The following BPIFC variants were observed in gnomAD, a reference collection of about 807,000 sequenced individuals.
BPIFC encodes BPI fold-containing family C protein.
A neutral mutation model predicts 57.6 loss-of-function variants in BPIFC; 60 were observed. That is an observed-to-expected ratio of 1.04 (90% CI 0.85 to 1.29). BPIFC has a LOEUF of 1.29. BPIFC is among the 50% of genes most tolerant of loss of function. The pLI is 0.00. For synonymous variants in BPIFC, 243 were observed against 224.5 expected (o/e 1.08, Z -0.74); for missense variants, 581 against 600.5 (o/e 0.97, Z 0.34).
At chr22:32,446,187 A>G (rs1422886174) in intron 5 of BPIFC, among the ~76,000 whole-genome samples, 191 bp from the exon 6 acceptor site, 2 of 152,220 alleles carry the variant, frequency 1.3e-5, no homozygotes, top group Non-Finnish European at 2.9e-5. Flanking sequence ...CAGACGAAGT[A>G]CTGAATATGT....
At chr22:32,424,579 T>C (rs75647938) in intron 13 of BPIFC, among the ~76,000 whole-genome samples, 1 of 76,756 alleles carries the variant, frequency 1.3e-5, no homozygotes, top group African/African-American at 9.3e-5. Flanking sequence ...TTTTCTTTCT[T>C]CTTCTTCTTC....
At chr22:32,455,899 A>G (rs1935024818) in intron 3 of BPIFC, among the ~76,000 whole-genome samples, 1 of 152,246 alleles carries the variant, frequency 6.6e-6, no homozygotes, top group African/African-American at 2.4e-5. Context: ...CTTCTCCACT[A>G]GCCCATGCTA....
intron 4 of BPIFC, among the ~76,000 whole-genome samples, chr22:32,448,757 G>A (rs1343340596): frequency 6.6e-6 from 1 of 152,046 alleles, no homozygotes; most frequent in Non-Finnish European, 1.5e-5. Context: ...GGCCAACATA[G>A]TGAAACCCCG....
At chr22:32,429,905 G>T (rs987891659) in intron 13 of BPIFC, among the ~76,000 whole-genome samples, 1 of 152,130 alleles carries the variant, frequency 6.6e-6, no homozygotes, top group Non-Finnish European at 1.5e-5. Context: ...GATCTTTTCT[G>T]ACTCTGCTTA....
intron 13 of BPIFC, among the ~76,000 whole-genome samples, chr22:32,428,276 CGTGT>C (rs56020393): frequency 1.2e-4 from 17 of 146,574 alleles, no homozygotes; most frequent in South Asian, 4.3e-4. Flanking sequence ...TGTGCGCGCG[CGTGT>C]GTGTGTGTGT....
intron 13 of BPIFC, among the ~76,000 whole-genome samples, chr22:32,420,571 G>A (rs933808541): frequency 6.6e-6 from 1 of 152,072 alleles, no homozygotes; most frequent in Non-Finnish European, 1.5e-5. Context: ...CCCCATTTCT[G>A]CCTCTTCTTA....
In BPIFC at chr22:32,424,688, TCTTC is replaced by T. The variant is rs1375063058; in HGVS notation, c.1218-5288_1218-5285del. 6.1e-3 allele frequency among the ~76,000 whole-genome samples: 472 copies of T among 76,908 alleles called. 80 individuals are homozygous for T. In the East Asian group the frequency reaches 0.065, roughly 11 times the overall value. The allele number at this position is 76,908 out of a possible 152,430, so 50.5% of individuals were successfully genotyped here. A position where few individuals can be genotyped will look rare whatever the true frequency, so the allele number is the denominator to read the frequency against. ...TTCTTCTTCTTCTTCTTCTTCTTCTTCTTCCTCTTCTTCTTCCTCTTCTTCTTCC... is the reference window on the plus strand; with the variant it reads ...TTCTTCTTCTTCTTCTTCTTCTTCTTCTCTTCTTCTTCCTCTTCTTCTTCC... On this transcript the variant is annotated intron_variant, in intron 13 of 16. Transcript: ENST00000300399.
chr22:32,453,302 A>T, intron 4 of BPIFC, 81 bp downstream of exon 4: 1 of 1,003,760 alleles, frequency 1.0e-6, no homozygotes, highest in Non-Finnish European at 1.4e-6. Context: ...ATTCTGATGA[A>T]ATCGTGGGGC....
intron 13 of BPIFC, among the ~76,000 whole-genome samples, chr22:32,429,520 T>TTG (rs1934175207): frequency 7.6e-6 from 1 of 132,242 alleles, no homozygotes; most frequent in African/African-American, 2.9e-5. Flanking sequence ...TTTTTTTTTT[T>TTG]TTTTTTTTTT....
Position 32,445,905 on chromosome 22 carries a change from G to T in BPIFC, c.466C>A (p.Leu156Met), listed in dbSNP as rs1422865550. ...TGGGCGTAGCAATCTTGGAGCTTCA[G>T]GGTAGGATGACCAAAGTCATTTCGG... ...LTRNDFGHPT[L>M]KLQDCYAQLS... Residue 156 changes from leucine to methionine, a missense_variant, in exon 6 of 17, where the codon CTG becomes ATG. Transcript: ENST00000300399. 1.9e-6 allele frequency: 3 copies of T among 1,613,946 alleles called. No homozygotes were observed. The highest frequency in any genetic ancestry group is 3.3e-5 in the Admixed American group (2 of 59,998).
chr22:32,427,442 A>G (rs1358925117), intron 13 of BPIFC, among the ~76,000 whole-genome samples: 4 of 152,098 alleles, frequency 2.6e-5, no homozygotes, highest in Non-Finnish European at 5.9e-5. Flanking sequence ...TGTTGTTTCT[A>G]CCTTCTCTAG....
chr22:32,441,031 T>A (rs775989851), intron 8 of BPIFC, among the ~76,000 whole-genome samples: 1 of 152,150 alleles, frequency 6.6e-6, no homozygotes, highest in Non-Finnish European at 1.5e-5. Flanking sequence ...TCCCTACACA[T>A]CCCTGAAGAT....
chr22:32,416,035 G>A, intron 15 of BPIFC, 44 bp from the exon 16 acceptor site: 1 of 1,316,014 alleles, frequency 7.6e-7, no homozygotes, highest in Non-Finnish European at 1.0e-6. Flanking sequence ...CACAAGCACA[G>A]AGGTTTTAGC....
chr22:32,430,306 G>C (rs1383507819), intron 13 of BPIFC, among the ~76,000 whole-genome samples: 1 of 152,128 alleles, frequency 6.6e-6, no homozygotes, highest in African/African-American at 2.4e-5. Context: ...CAGTCATAGA[G>C]CCTGTGAATA....
chr22:32,444,188 C>T (rs779582577), intron 7 of BPIFC, among the ~76,000 whole-genome samples: 59 of 152,288 alleles, frequency 3.9e-4, no homozygotes, highest in Non-Finnish European at 5.9e-4. Flanking sequence ...TGCCTCGTTT[C>T]AAACAGGGGA....
At chr22:32,435,641 T>A in intron 10 of BPIFC, 63 bp downstream of exon 10, 1 of 1,523,826 alleles carries the variant, frequency 6.6e-7, no homozygotes, top group Non-Finnish European at 8.9e-7. Flanking sequence ...AGTTCTACAA[T>A]AGGATACTTA....
intron 2 of BPIFC, 86 bp from the exon 3 acceptor site, chr22:32,457,472 T>A: frequency 6.7e-7 from 1 of 1,487,174 alleles, no homozygotes. Context: ...GATTTTCTCA[T>A]TTTTACTGTT....
At chr22:32,422,730 A>G (rs1933883858) in intron 13 of BPIFC, among the ~76,000 whole-genome samples, 1 of 152,042 alleles carries the variant, frequency 6.6e-6, no homozygotes, top group African/African-American at 2.4e-5. Context: ...AGAGTGCGAA[A>G]AGATGAAGAA....
chr22:32,441,370 T>C (rs1184859148), intron 8 of BPIFC, among the ~76,000 whole-genome samples: 1 of 152,206 alleles, frequency 6.6e-6, no homozygotes, highest in African/African-American at 2.4e-5. Flanking sequence ...TTTTACTTGT[T>C]TATCTTGCTT....
Sources: gnomAD v4.1 joint callset for allele counts (sites outside exome capture counted in the v4.1 genomes callset) on GRCh38, gnomAD v4.1.1 for gene constraint, MANE v1.5 for transcripts, NCBI Gene and HGNC (gene_info 2026-07-23, HGNC 2026-07-21) for gene names.